The following MOB2 variants were observed in gnomAD, a reference collection of about 807,000 sequenced individuals.
The protein encoded by MOB2 is MOB kinase activator 2.
MOB2 carries 14 observed loss-of-function variants against 27.4 expected under a neutral mutation model. The ratio of observed to expected loss-of-function variants is 0.51; its 90% CI spans 0.34 to 0.80. The LOEUF (loss-of-function observed/expected upper bound fraction) is 0.80. MOB2 is among the 30% of genes least tolerant of loss of function. The pLI, the probability that MOB2 is intolerant of heterozygous loss-of-function variation, is 0.01. For missense variants in MOB2, 304 were observed against 354.6 expected (o/e 0.86, Z 1.15); for synonymous variants, 167 against 151.8 (o/e 1.10, Z -0.74).
intron 3 of MOB2, chr11:1,473,115 C>G (rs1270853271): frequency 2.6e-5 from 4 of 152,710 alleles, no homozygotes; most frequent in African/African-American, 9.6e-5. Flanking sequence ...GAATGCAAAC[C>G]AGGAGCTCTC....
chr11:1,483,357 G>C (rs1212147779), intron 1 of MOB2, among the ~76,000 whole-genome samples: 1 of 152,236 alleles, frequency 6.6e-6, no homozygotes, highest in East Asian at 1.9e-4. Context: ...CTGGGGAGTG[G>C]ACCCTGGACC....
chr11:1,471,360 A>G lies in MOB2; in HGVS notation c.425T>C (p.Val142Ala), dbSNP rs1847788099. Residue 142 changes from valine to alanine, a missense_variant, in exon 4 of 5, where the codon GTT (valine) becomes GCT (alanine). Val to Ala is a moderately conservative substitution (Grantham distance 64). Coordinates refer to ENST00000329957, the MANE Select transcript of MOB2 (RefSeq NM_001172223.3). The stretch of plus-strand genomic sequence containing the variant: ...CTGCACGGAGCTCATGACGAAGTCA[A>G]CGTACTGTGGGGCCGTGCACTTGAC... ...KKVKCTAPQY[V>A]DFVMSSVQKL... 1 of 1,613,448 alleles carries G rather than the reference A, an allele frequency of 6.2e-7. No individual in the cohort carries two copies. Among genetic ancestry groups the G allele is most frequent in the Admixed American group, 1.7e-5 (1 of 59,998 alleles).
chr11:1,482,906 T>TC (rs1191950829), intron 1 of MOB2, among the ~76,000 whole-genome samples: 2 of 152,068 alleles, frequency 1.3e-5, no homozygotes, highest in Admixed American at 1.3e-4. Context: ...GTGCCCTCCT[T>TC]CCCAGAAGGG....
chr11:1,470,726 G>A (rs1490759167), intron 4 of MOB2, among the ~76,000 whole-genome samples: 3 of 152,366 alleles, frequency 2.0e-5, no homozygotes, highest in South Asian at 2.1e-4. Flanking sequence ...TCCGGAGGCT[G>A]CACCTGCCCT....
intron 3 of MOB2, among the ~76,000 whole-genome samples, chr11:1,475,525 T>C (rs943524866): frequency 2.6e-5 from 4 of 152,298 alleles, no homozygotes; most frequent in East Asian, 1.9e-4. Context: ...AGTCTCGAAC[T>C]CCTGAAGTGA....
At chr11:1,476,616 T>C (rs1847854790) in intron 3 of MOB2, among the ~76,000 whole-genome samples, 1 of 152,250 alleles carries the variant, frequency 6.6e-6, no homozygotes, top group African/African-American at 2.4e-5. Context: ...TCTCAGTGCT[T>C]TCTGTTCTTA....
At chr11:1,480,058 C>T (rs1326632764) in intron 3 of MOB2, among the ~76,000 whole-genome samples, 1 of 152,238 alleles carries the variant, frequency 6.6e-6, no homozygotes, top group Non-Finnish European at 1.5e-5. Context: ...CCCTCACTGT[C>T]CCATCCAGAG....
chr11:1,481,293 C>A, intron 1 of MOB2: 1 of 273,984 alleles, frequency 3.6e-6, no homozygotes. Context: ...TTGAGTTGGC[C>A]AGCCTGTCCC....
At chr11:1,479,853 G>A (rs1354857266) in intron 3 of MOB2, among the ~76,000 whole-genome samples, 1 of 152,246 alleles carries the variant, frequency 6.6e-6, no homozygotes, top group Non-Finnish European at 1.5e-5. Context: ...ACCCAGGCCT[G>A]GCGGCGCTCC....
At chr11:1,479,313 C>T (rs1298581675) in intron 3 of MOB2, among the ~76,000 whole-genome samples, 1 of 152,252 alleles carries the variant, frequency 6.6e-6, no homozygotes, top group Non-Finnish European at 1.5e-5. Flanking sequence ...ACCTCAGGAC[C>T]CATCTCCATG....
intron 3 of MOB2, among the ~76,000 whole-genome samples, chr11:1,476,170 G>C (rs1847850599): frequency 6.6e-6 from 1 of 152,214 alleles, no homozygotes; most frequent in Non-Finnish European, 1.5e-5. Flanking sequence ...GTTTATTTCG[G>C]GAATTTTCCA....
intron 3 of MOB2, among the ~76,000 whole-genome samples, chr11:1,474,286 G>A (rs972107234): frequency 6.6e-5 from 10 of 152,214 alleles, no homozygotes; most frequent in African/African-American, 2.4e-4. Flanking sequence ...GCTGAGTTGT[G>A]TATGTTCTTT....
chr11:1,478,572 G>A (rs940237143), intron 3 of MOB2, among the ~76,000 whole-genome samples: 2 of 152,214 alleles, frequency 1.3e-5, no homozygotes, highest in Admixed American at 1.3e-4. Flanking sequence ...GGCCACCGCC[G>A]TCTGACTGCT....
At chr11:1,475,087 C>T (rs1001502365) in intron 3 of MOB2, among the ~76,000 whole-genome samples, 13 of 152,162 alleles carry the variant, frequency 8.5e-5, no homozygotes, top group South Asian at 2.1e-4. Context: ...TGTAGACCTT[C>T]GATTTTCTGT....
At chr11:1,471,630 G>A in intron 3 of MOB2, 1 of 535,476 alleles carries the variant, frequency 1.9e-6, no homozygotes. Context: ...TGCCTGCGCT[G>A]ACTTAGAACT....
intron 1 of MOB2, among the ~76,000 whole-genome samples, chr11:1,482,837 AG>A (rs951922346): frequency 6.6e-6 from 1 of 152,178 alleles, no homozygotes; most frequent in African/African-American, 2.4e-5. Context: ...GCACCAACAG[AG>A]GGACTTCCAT....
Position 1,486,729 on chromosome 11 carries a change from C to T in MOB2, c.-173G>A, listed in dbSNP as rs1358052084. On this transcript the variant is annotated 5_prime_UTR_variant, in exon 1 of 5. Transcript: ENST00000329957. The stretch of plus-strand genomic sequence containing the variant: ...CAAGGGCTGGCCAAGGCTGGTGAAA[C>T]GAGGGAGCGTCTGAATTGGCCTTTT... 2.9e-5 allele frequency: 17 copies of T among 582,464 alleles called. No individual in the cohort carries two copies. The highest frequency in any genetic ancestry group is 6.0e-5 in the South Asian group (3 of 49,614). 36.1% of individuals were successfully genotyped at this position (582,464 alleles called of 1,614,324 possible).
In MOB2 at chr11:1,475,317, A is replaced by G. The variant is rs1452262651; in HGVS notation, c.366-3898T>C. ...TGCTACAATCCTTGAGGTTTTCCCA[A>G]TCACACGTGTGCACAGGGATACAGC... On this transcript the variant is annotated intron_variant, in intron 3 of 4. Transcript: ENST00000329957. 1.3e-4 allele frequency among the ~76,000 whole-genome samples: 3 copies of G among 23,216 alleles called. No individual in the cohort carries two copies. In the East Asian group the frequency reaches 0.19, roughly 1,451 times the overall value. 15.2% of individuals were successfully genotyped at this position (23,216 alleles called of 152,430 possible).
At chr11:1,474,633 G>A (rs1036917948) in intron 3 of MOB2, among the ~76,000 whole-genome samples, 3 of 151,936 alleles carry the variant, frequency 2.0e-5, no homozygotes, top group East Asian at 1.9e-4. Flanking sequence ...GTCTATCTCC[G>A]GACTCTCCAT....
Sources: allele counts gnomAD v4.1 joint callset (sites outside exome capture counted in the v4.1 genomes callset), GRCh38; gene constraint gnomAD v4.1.1; transcripts MANE v1.5; gene names NCBI Gene and HGNC (gene_info 2026-07-23, HGNC 2026-07-21).